The following VTI1A variants were observed in gnomAD, a reference collection of about 807,000 sequenced individuals.
VTI1A encodes vesicle transport through interaction with t-SNAREs homolog 1A.
In VTI1A, 22 loss-of-function variants were observed where a neutral mutation model predicts 34.9. The observed-to-expected ratio is 0.63, with a 90% CI of 0.45 to 0.90. The LOEUF (loss-of-function observed/expected upper bound fraction) is 0.90, where lower values mean the gene tolerates loss of function less well. Among genes scored for constraint, VTI1A ranks in the 40% least tolerant of loss-of-function variants. The probability of loss-of-function intolerance (pLI) is 0.00; values close to 1 mark genes in which losing one functional copy is unlikely to be tolerated. For missense variants in VTI1A, 268 were observed against 275.6 expected (o/e 0.97, Z 0.20); for synonymous variants, 87 against 97.3 (o/e 0.89, Z 0.62).
At chr10:112,570,206 C>G (rs1852065833) in intron 5 of VTI1A, among the ~76,000 whole-genome samples, 1 of 152,070 alleles carries the variant, frequency 6.6e-6, no homozygotes, top group Admixed American at 6.6e-5. Flanking sequence ...GGGCATACAT[C>G]TGGGAATCCA....
chr10:112,503,260 C>A (rs183142837), intron 3 of VTI1A, among the ~76,000 whole-genome samples: 7 of 152,098 alleles, frequency 4.6e-5, no homozygotes, highest in African/African-American at 1.7e-4. Flanking sequence ...CCTCTTCATC[C>A]TCCTCTCCCC....
At position 112,679,097 on chromosome 10, in the gene VTI1A, G is replaced by A. The variant is rs202098913; in HGVS notation, c.560+10099G>A. Among the ~76,000 whole-genome samples, 149 of 152,260 alleles carry A rather than the reference G, an allele frequency of 9.8e-4. 1 individual carries two copies. Among genetic ancestry groups the A allele is most frequent in the African/African-American group, 3.4e-3 (143 of 41,550 alleles). On this transcript the variant is annotated intron_variant, in intron 7 of 7. Transcript: ENST00000393077. The stretch of plus-strand genomic sequence containing the variant: ...TTTTTTTAAGCCACCGTTAGGGCAG[G>A]AAATGGCTCCTTTTCATGATTGCAT...
At position 112,488,147 on chromosome 10, in the gene VTI1A, A is replaced by G. The variant is rs151095820; in HGVS notation, c.264+23490A>G. ...CTTATTGCTTCATCCTGCATTCTCC[A>G]ATGTTTGTACTATCAGGTACTAAAC... On this transcript the variant is annotated intron_variant, in intron 3 of 7. Transcript: ENST00000393077. Among the ~76,000 whole-genome samples the G allele has an allele frequency of 5.1e-3, 782 of 152,262 alleles. 15 individuals carry two copies. Among genetic ancestry groups the G allele is most frequent in the Non-Finnish European group, 4.3e-3 (292 of 68,016 alleles).
chr10:112,532,699 A>T (rs1490746934), intron 4 of VTI1A, among the ~76,000 whole-genome samples: 1 of 152,172 alleles, frequency 6.6e-6, no homozygotes, highest in Non-Finnish European at 1.5e-5. Context: ...GTAAGGAGTG[A>T]TTTTTTATTT....
At chr10:112,474,363 T>G (rs1358007472) in intron 3 of VTI1A, among the ~76,000 whole-genome samples, 2 of 152,058 alleles carry the variant, frequency 1.3e-5, no homozygotes, top group African/African-American at 2.4e-5. Context: ...ACTATGACCT[T>G]TAAGAGAGAA....
intron 7 of VTI1A, among the ~76,000 whole-genome samples, chr10:112,736,270 C>T (rs979403469): frequency 1.3e-5 from 2 of 151,632 alleles, no homozygotes; most frequent in Non-Finnish European, 2.9e-5. Context: ...CCTAATATCT[C>T]ATATTTATTT....
At chr10:112,699,293 T>C (rs1848907257) in intron 7 of VTI1A, among the ~76,000 whole-genome samples, 1 of 152,202 alleles carries the variant, frequency 6.6e-6, no homozygotes, top group East Asian at 1.9e-4. Context: ...AAGGGACATT[T>C]GTTTCTCACA....
intron 7 of VTI1A, among the ~76,000 whole-genome samples, chr10:112,771,573 T>G (rs950955422): frequency 6.6e-6 from 1 of 152,244 alleles, no homozygotes; most frequent in Non-Finnish European, 1.5e-5. Context: ...AAACCTACAA[T>G]GCACCCATTT....
intron 5 of VTI1A, among the ~76,000 whole-genome samples, chr10:112,666,202 A>G (rs1847634335): frequency 6.6e-6 from 1 of 152,140 alleles, no homozygotes; most frequent in African/African-American, 2.4e-5. Context: ...TATCTTACCC[A>G]ATTTTACCTT....
At chr10:112,762,810 C>T (rs1023386216) in intron 7 of VTI1A, among the ~76,000 whole-genome samples, 7 of 152,158 alleles carry the variant, frequency 4.6e-5, no homozygotes, top group Admixed American at 3.9e-4. Flanking sequence ...AATTGATTTC[C>T]GTGCTGGGCC....
intron 3 of VTI1A, among the ~76,000 whole-genome samples, chr10:112,518,801 T>C (rs1037000221): frequency 4.6e-5 from 7 of 151,804 alleles, no homozygotes; most frequent in Admixed American, 3.3e-4. Context: ...ATTTAATTGA[T>C]GAAGCGAAAC....
chr10:112,699,695 G>A (rs899029013), intron 7 of VTI1A, among the ~76,000 whole-genome samples: 2 of 151,778 alleles, frequency 1.3e-5, no homozygotes, highest in African/African-American at 2.4e-5. Flanking sequence ...GCTGGGTGTG[G>A]TGGCACATGC....
At chr10:112,679,494 AT>A (rs926281237) in intron 7 of VTI1A, among the ~76,000 whole-genome samples, 102 of 147,676 alleles carry the variant, frequency 6.9e-4, no homozygotes, top group South Asian at 8.5e-4. Flanking sequence ...AGGTGTCACG[AT>A]TTTTTTTTTT....
chr10:112,750,729 A>C (rs552153536), intron 7 of VTI1A, among the ~76,000 whole-genome samples: 1 of 152,254 alleles, frequency 6.6e-6, no homozygotes, highest in East Asian at 1.9e-4. Flanking sequence ...GTCATCCCTC[A>C]TTTATTTTTT....
At chr10:112,516,273 A>G (rs1849773765) in intron 3 of VTI1A, among the ~76,000 whole-genome samples, 1 of 152,112 alleles carries the variant, frequency 6.6e-6, no homozygotes, top group Non-Finnish European at 1.5e-5. Context: ...AAATGGCAAT[A>G]TCTAACTCAT....
At chr10:112,470,407 A>G (rs1272038846) in intron 3 of VTI1A, among the ~76,000 whole-genome samples, 2 of 152,174 alleles carry the variant, frequency 1.3e-5, no homozygotes, top group African/African-American at 4.8e-5. Context: ...GGGCCACATA[A>G]CTGAAGCTTT....
At chr10:112,847,105 G>A in the VTI1A span, among the ~76,000 whole-genome samples, 2 of 152,232 alleles carry the variant, frequency 1.3e-5, no homozygotes, top group African/African-American at 4.8e-5. Context: ...GGCTCCTGCT[G>A]TCACCAGGAT....
chr10:112,679,092 G>T (rs1848126966), intron 7 of VTI1A, among the ~76,000 whole-genome samples: 1 of 152,042 alleles, frequency 6.6e-6, no homozygotes, highest in Non-Finnish European at 1.5e-5. Flanking sequence ...CCACCGTTAG[G>T]GCAGGAAATG....
the VTI1A span, among the ~76,000 whole-genome samples, chr10:112,840,305 A>G: frequency 7.7e-3 from 1,173 of 152,096 alleles, 22 homozygotes; most frequent in African/African-American, 0.027. Context: ...CCAAATATGC[A>G]CCCCAACCAG....
Sources: allele counts gnomAD v4.1 joint callset (sites outside exome capture counted in the v4.1 genomes callset), GRCh38; gene constraint gnomAD v4.1.1; transcripts MANE v1.5; gene names NCBI Gene and HGNC (gene_info 2026-07-23, HGNC 2026-07-21).